DRC7: variants seen among roughly 807,000 people sequenced by gnomAD.
The protein encoded by DRC7 is coiled-coil domain containing 135.
Under a neutral mutation model 104.4 loss-of-function variants are expected in DRC7, and 80 were observed. The ratio of observed to expected loss-of-function variants is 0.77; its 90% CI spans 0.64 to 0.92. DRC7 has a LOEUF of 0.92. DRC7 is among the 40% of genes least tolerant of loss of function. The pLI, the probability that DRC7 is intolerant of heterozygous loss-of-function variation, is 0.00. For synonymous variants in DRC7, 405 were observed against 447.3 expected (o/e 0.91, Z 1.19); for missense variants, 1,034 against 1,141.1 (o/e 0.91, Z 1.35).
chr16:57,703,879 A>G (rs747661883), intron 6 of DRC7, among the ~76,000 whole-genome samples: 3 of 150,470 alleles, frequency 2.0e-5, no homozygotes, highest in Non-Finnish European at 4.4e-5. Flanking sequence ...AGCCAGGAGA[A>G]TCGCTTGAAC....
chr16:57,697,583 T>A (rs1441594284), intron 2 of DRC7, among the ~76,000 whole-genome samples: 3 of 151,618 alleles, frequency 2.0e-5, no homozygotes, highest in Admixed American at 6.6e-5. Context: ...AAATAAAAAA[T>A]TTAAAAAAAA....
intron 12 of DRC7, among the ~76,000 whole-genome samples, chr16:57,723,605 G>A (rs915749865): frequency 5.9e-5 from 9 of 152,032 alleles, no homozygotes; most frequent in African/African-American, 2.2e-4. Context: ...GCATGTGCTT[G>A]TAATCCCAGC....
intron 8 of DRC7, 118 bp downstream of exon 8, chr16:57,707,796 G>T: frequency 1.2e-6 from 1 of 850,676 alleles, no homozygotes; most frequent in Non-Finnish European, 1.9e-6. Context: ...CGAGGGCTTT[G>T]AACCTTCTCC....
At chr16:57,727,079 TC>T (rs2048977937) in intron 15 of DRC7, 137 bp downstream of exon 15, 1 of 661,852 alleles carries the variant, frequency 1.5e-6, no homozygotes, top group African/African-American at 1.8e-5. Context: ...TCCCACCTCA[TC>T]CTCCCAGGTA....
At chr16:57,697,810 C>T (rs957961689) in intron 2 of DRC7, 103 bp from the exon 3 acceptor site, 4 of 1,335,552 alleles carry the variant, frequency 3.0e-6, no homozygotes, top group Non-Finnish European at 2.0e-6. Flanking sequence ...TTCGACACCT[C>T]CTCAAAACCA....
chr16:57,728,627 C>T (rs1374216564), intron 17 of DRC7, 43 bp downstream of exon 17: 2 of 1,487,442 alleles, frequency 1.3e-6, no homozygotes, highest in Non-Finnish European at 1.8e-6. Context: ...ATCTCAGCAT[C>T]TGCATCCAGG....
At chr16:57,708,568 A>G (rs1265719922) in intron 8 of DRC7, among the ~76,000 whole-genome samples, 2 of 152,120 alleles carry the variant, frequency 1.3e-5, no homozygotes, top group South Asian at 2.1e-4. Context: ...GAATATTTGT[A>G]TACATATATT....
chr16:57,700,024 C>T (rs1451685506), intron 4 of DRC7, 121 bp from the exon 5 acceptor site: 3 of 1,182,862 alleles, frequency 2.5e-6, no homozygotes, highest in Non-Finnish European at 3.6e-6. Context: ...GTCATGTGGG[C>T]CTGGCCTCCT....
At chr16:57,698,532 A>G (rs2048622689) in intron 3 of DRC7, among the ~76,000 whole-genome samples, 1 of 152,024 alleles carries the variant, frequency 6.6e-6, no homozygotes. Context: ...CATGTCTACA[A>G]AAAATACAAA....
chr16:57,717,213 G>T (rs1178210049), intron 8 of DRC7, among the ~76,000 whole-genome samples: 1 of 147,958 alleles, frequency 6.8e-6, no homozygotes, highest in African/African-American at 2.5e-5. Context: ...CCATGGAGGA[G>T]AAATTCCCAC....
chr16:57,712,491 T>C (rs1438175071), intron 8 of DRC7, among the ~76,000 whole-genome samples: 6 of 152,224 alleles, frequency 3.9e-5, no homozygotes, highest in African/African-American at 1.4e-4. Context: ...AGTCCCACCT[T>C]ATTGTCAATA....
At chr16:57,717,106 C>T (rs1170281656) in intron 8 of DRC7, among the ~76,000 whole-genome samples, 2 of 150,512 alleles carry the variant, frequency 1.3e-5, no homozygotes, top group Non-Finnish European at 1.5e-5. Context: ...TGCAGTGAGC[C>T]GAGATCATAC....
At chr16:57,727,064 G>A (rs1379732727) in intron 15 of DRC7, 122 bp downstream of exon 15, 8 of 695,778 alleles carry the variant, frequency 1.1e-5, no homozygotes, top group African/African-American at 8.8e-5. Flanking sequence ...GGGCTCAGGT[G>A]GTCCTCCCAC....
At chr16:57,723,184 A>G in intron 12 of DRC7, 54 bp downstream of exon 12, 2 of 1,593,528 alleles carry the variant, frequency 1.3e-6, no homozygotes, top group Non-Finnish European at 1.7e-6. Context: ...GAGGCCTCAC[A>G]CACCCTGTGG....
In DRC7 at chr16:57,726,128, C is replaced by T. The variant is rs199828087; in HGVS notation, c.1819C>T (p.Arg607Cys). The part of the protein sequence containing the change: ...AKPAEEDVAE[R>C]VFLVAEERIQ... ...GCCCGCGGAGGAGGACGTGGCAGAG[C>T]GCGTGTTTCTGGTCGCGGAGGAGCG... The change falls in exon 14 of 19, where the codon CGC becomes TGC. Residue 607 changes from arginine to cysteine, a missense_variant. Coordinates refer to ENST00000360716, the MANE Select transcript of DRC7 (RefSeq NM_001289162.2). 419 of 1,613,226 alleles carry T rather than the reference C, an allele frequency of 2.6e-4. No homozygotes were observed. Among genetic ancestry groups the T allele is most frequent in the Middle Eastern group, 3.3e-4 (2 of 6,062 alleles).
intron 7 of DRC7, among the ~76,000 whole-genome samples, chr16:57,706,769 C>T (rs1423943288): frequency 2.0e-5 from 3 of 147,534 alleles, no homozygotes; most frequent in Non-Finnish European, 4.5e-5. Flanking sequence ...CCCATCCATC[C>T]ATTGTCTCAC....
intron 4 of DRC7, 68 bp from the exon 5 acceptor site, chr16:57,700,077 A>G: frequency 6.5e-7 from 1 of 1,545,494 alleles, no homozygotes; most frequent in Non-Finnish European, 8.8e-7. Flanking sequence ...GATTCAAGGA[A>G]GGCCCCAAGC....
chr16:57,708,782 T>A (rs1455766879), intron 8 of DRC7, among the ~76,000 whole-genome samples: 1 of 152,176 alleles, frequency 6.6e-6, no homozygotes, highest in Admixed American at 6.6e-5. Flanking sequence ...TCTTTTCCAT[T>A]TTAGCTATTG....
chr16:57,702,005 C>T lies in DRC7; in HGVS notation c.574C>T (p.Leu192=). 1 of 1,614,212 alleles carries T rather than the reference C, an allele frequency of 6.2e-7. No homozygotes were observed. The highest frequency in any genetic ancestry group is 8.5e-7 in the Non-Finnish European group (1 of 1,180,022). The part of the protein sequence containing the change: ...QKGNCFDFST[L]LCSMLIGSGY... Reference sequence around the variant, plus strand: ...GGGGAACTGCTTTGACTTCAGTACGCTGCTCTGCTCCATGCTTATCGGCTC... The same window carrying T: ...GGGGAACTGCTTTGACTTCAGTACGTTGCTCTGCTCCATGCTTATCGGCTC... Residue 192 remains leucine (L), a synonymous_variant, in exon 6 of 19, where the codon CTG becomes TTG. Coordinates refer to ENST00000360716, the MANE Select transcript of DRC7 (RefSeq NM_001289162.2).
Sources: gnomAD v4.1 joint callset for allele counts (sites outside exome capture counted in the v4.1 genomes callset) on GRCh38, gnomAD v4.1.1 for gene constraint, MANE v1.5 for transcripts, NCBI Gene and HGNC (gene_info 2026-07-23, HGNC 2026-07-21) for gene names.